Variants in AUH observed in about 807,000 individuals in gnomAD.
The protein encoded by AUH is methylglutaconyl-CoA hydratase, mitochondrial.
AUH carries 29 observed loss-of-function variants against 42.3 expected under a neutral mutation model. The ratio of observed to expected loss-of-function variants is 0.69; its 90% confidence interval spans 0.51 to 0.93. The LOEUF (loss-of-function observed/expected upper bound fraction) is 0.93. AUH is among the 40% of genes least tolerant of loss of function. The pLI is 0.00. For missense variants in AUH, 452 were observed against 438.1 expected (o/e 1.03, Z -0.28); for synonymous variants, 174 against 166.4 (o/e 1.05, Z -0.35).
At chr9:91,270,389 C>T (rs1564051574) in intron 6 of AUH, among the ~76,000 whole-genome samples, 1 of 152,186 alleles carries the variant, frequency 6.6e-6, no homozygotes, top group African/African-American at 2.4e-5. Flanking sequence ...TGGTTCGCTT[C>T]CCTAGTGGGA....
chr9:91,301,437 A>C (rs1057298226), intron 4 of AUH, among the ~76,000 whole-genome samples: 1 of 152,188 alleles, frequency 6.6e-6, no homozygotes, highest in Non-Finnish European at 1.5e-5. Flanking sequence ...AGGTACAGTG[A>C]CTCATGCCTG....
intron 4 of AUH, among the ~76,000 whole-genome samples, chr9:91,309,239 C>T (rs1828510585): frequency 6.6e-6 from 1 of 151,876 alleles, no homozygotes; most frequent in South Asian, 2.1e-4. Context: ...TCCCATGACT[C>T]CAACACCTCC....
At chr9:91,246,556 T>C (rs1828806281) in intron 6 of AUH, among the ~76,000 whole-genome samples, 1 of 152,004 alleles carries the variant, frequency 6.6e-6, no homozygotes, top group Non-Finnish European at 1.5e-5. Context: ...CACGCTGAAA[T>C]GAAAAACAAG....
At chr9:91,347,784 C>T (rs1040632725) in intron 3 of AUH, among the ~76,000 whole-genome samples, 3 of 150,678 alleles carry the variant, frequency 2.0e-5, no homozygotes, top group Admixed American at 2.0e-4. Flanking sequence ...TGGGGTAAAA[C>T]AAAATTTCTA....
intron 6 of AUH, among the ~76,000 whole-genome samples, chr9:91,246,107 C>G (rs1317305253): frequency 6.6e-6 from 1 of 152,176 alleles, no homozygotes; most frequent in African/African-American, 2.4e-5. Context: ...TGGCCTCCCG[C>G]CCTGCTGGGT....
intron 8 of AUH, 129 bp downstream of exon 8, chr9:91,217,148 C>G: frequency 1.1e-6 from 1 of 933,816 alleles, no homozygotes; most frequent in Non-Finnish European, 1.6e-6. Flanking sequence ...CAGTAGCTTT[C>G]AGTAATAGTA....
At chr9:91,271,772 C>A (rs530822444) in intron 6 of AUH, among the ~76,000 whole-genome samples, 1 of 152,280 alleles carries the variant, frequency 6.6e-6, no homozygotes, top group South Asian at 2.1e-4. Flanking sequence ...CCTCCGCCTC[C>A]CAGGTTCAAG....
At chr9:91,309,535 T>C (rs1828535973) in intron 4 of AUH, among the ~76,000 whole-genome samples, 2 of 152,186 alleles carry the variant, frequency 1.3e-5, no homozygotes, top group South Asian at 4.1e-4. Flanking sequence ...TGGAGGTCAT[T>C]ATCCTTAGTG....
intron 6 of AUH, among the ~76,000 whole-genome samples, chr9:91,225,230 T>C (rs1244453309): frequency 1.3e-5 from 2 of 152,214 alleles, no homozygotes; most frequent in African/African-American, 2.4e-5. Context: ...TAGCTCACTG[T>C]AGCATCCACC....
intron 6 of AUH, among the ~76,000 whole-genome samples, chr9:91,280,622 T>C (rs1825887804): frequency 6.6e-6 from 1 of 151,296 alleles, no homozygotes; most frequent in South Asian, 2.1e-4. Flanking sequence ...AACATACTCA[T>C]ATTATTAATT....
intron 6 of AUH, among the ~76,000 whole-genome samples, chr9:91,221,675 C>A (rs1827145733): frequency 6.6e-6 from 1 of 152,052 alleles, no homozygotes; most frequent in Non-Finnish European, 1.5e-5. Flanking sequence ...TTGTCACTTA[C>A]TACTTTAGGG....
chr9:91,229,037 T>A (rs2131275263), intron 6 of AUH, among the ~76,000 whole-genome samples: 1 of 151,888 alleles, frequency 6.6e-6, no homozygotes, highest in East Asian at 1.9e-4. Flanking sequence ...TCTGTTGATT[T>A]GGGGTGGAGA....
chr9:91,241,243 C>T (rs900508251), intron 6 of AUH, among the ~76,000 whole-genome samples: 2 of 152,192 alleles, frequency 1.3e-5, no homozygotes, highest in Non-Finnish European at 2.9e-5. Flanking sequence ...TCTGTAGCAG[C>T]ATACATGTAT....
At chr9:91,234,218 G>C (rs937074034) in intron 6 of AUH, among the ~76,000 whole-genome samples, 1 of 152,190 alleles carries the variant, frequency 6.6e-6, no homozygotes, top group Non-Finnish European at 1.5e-5. Context: ...CCAAGAGCCA[G>C]AGCTGCCTCC....
At chr9:91,355,750 A>T in intron 3 of AUH, 133 bp downstream of exon 3, 5 of 752,216 alleles carry the variant, frequency 6.6e-6, no homozygotes, top group Admixed American at 5.0e-5. Context: ...TTTCTTGTGA[A>T]TCAGTAAAAC....
intron 4 of AUH, among the ~76,000 whole-genome samples, chr9:91,324,660 T>C (rs1195207890): frequency 6.7e-6 from 1 of 148,600 alleles, no homozygotes; most frequent in Admixed American, 6.7e-5. Flanking sequence ...TAGGCAAACT[T>C]CAAAAATAGC....
At chr9:91,271,133 T>C (rs1288110545) in intron 6 of AUH, among the ~76,000 whole-genome samples, 1 of 152,208 alleles carries the variant, frequency 6.6e-6, no homozygotes, top group Non-Finnish European at 1.5e-5. Context: ...ATATCCCTCA[T>C]ATAGATGTAC....
intron 3 of AUH, among the ~76,000 whole-genome samples, chr9:91,337,992 GC>G (rs1253779259): frequency 6.6e-6 from 1 of 152,080 alleles, no homozygotes; most frequent in Non-Finnish European, 1.5e-5. Context: ...ACTTGTAAGT[GC>G]TTTCACTTAT....
At chr9:91,270,576 TG>T (rs1314000719) in intron 6 of AUH, among the ~76,000 whole-genome samples, 1 of 152,152 alleles carries the variant, frequency 6.6e-6, no homozygotes, top group African/African-American at 2.4e-5. Context: ...TTTTGGCTTC[TG>T]TAAGACTCAA....
Sources: allele counts gnomAD v4.1 joint callset (sites outside exome capture counted in the v4.1 genomes callset), GRCh38; gene constraint gnomAD v4.1.1; transcripts MANE v1.5; gene names NCBI Gene and HGNC (gene_info 2026-07-23, HGNC 2026-07-21).